The following PREX1 variants were observed in gnomAD, a reference collection of about 807,000 sequenced individuals.
The protein encoded by PREX1 is phosphatidylinositol-3,4,5-trisphosphate dependent Rac exchange factor 1, also known as phosphatidylinositol 3,4,5-trisphosphate-dependent Rac exchanger 1 protein.
PREX1 carries 41 observed loss-of-function variants against 198.3 expected under a neutral mutation model. That is an observed-to-expected ratio of 0.21 (90% CI 0.16 to 0.27). The LOEUF is 0.27. Ranked by LOEUF, PREX1 falls within the 10% of genes least tolerant of loss-of-function variation. The pLI, the probability that PREX1 is intolerant of heterozygous loss-of-function variation, is 1.00. For missense variants in PREX1, 1,620 were observed against 2,200.7 expected (o/e 0.74, Z 5.28); for synonymous variants, 843 against 887.2 (o/e 0.95, Z 0.89).
At position 48,672,916 on chromosome 20, in the gene PREX1, T is replaced by A. The variant is rs948994702; in HGVS notation, c.1665+3277A>T. Among the ~76,000 whole-genome samples, 3 of 152,140 alleles carry A rather than the reference T, an allele frequency of 2.0e-5. No individual in the cohort carries two copies. In the South Asian group the frequency reaches 6.2e-4, roughly 31 times the overall value. ...TCTTATTTATTAAGTGTCTCTCCTA[T>A]CCTCACCAGAACGTAATATCTGGGA... On this transcript the variant is annotated intron_variant, in intron 14 of 39. Coordinates refer to ENST00000371941, the MANE Select transcript of PREX1 (RefSeq NM_020820.4).
intron 27 of PREX1, among the ~76,000 whole-genome samples, chr20:48,644,161 G>A (rs149993996): frequency 7.1e-4 from 108 of 152,290 alleles, no homozygotes; most frequent in African/African-American, 2.3e-3. Context: ...TGACATTCAC[G>A]GAGAACATCA....
At position 48,651,563 on chromosome 20, in the gene PREX1, C is replaced by T. The variant is rs748112228; in HGVS notation, c.2488G>A (p.Gly830Ser). The change falls in exon 22 of 40, where the codon GGT (glycine) becomes AGT (serine). Residue 830 changes from glycine (G) to serine (S), a missense_variant. By Grantham distance (56) the Gly-to-Ser change is moderately conservative (BLOSUM62 0). Transcript: ENST00000371941. ...ADSAFPLLSL[G>S]PRLSLCEDSP... ...TCCTCACACAGGCTCAGCCGGGGAC[C>T]CAGGGACAGCAGTGGGAAGGCTGGA... 33 of 1,613,642 alleles carry T rather than the reference C, an allele frequency of 2.0e-5. No individual in the cohort carries two copies. The highest frequency in any genetic ancestry group is 2.7e-5 in the Non-Finnish European group (32 of 1,179,850).
intron 15 of PREX1, among the ~76,000 whole-genome samples, chr20:48,665,263 CCCAGACGGCCTGAATTCTAATCCCGGCT>C (rs2089629870): frequency 5.7e-5 from 8 of 141,054 alleles, no homozygotes; most frequent in South Asian, 2.3e-4. Context: ...CTAATCCCGC[CCCAGACGGCCTGAATTCTAATCCCGGCT>C]CCAGACGGCC....
the PREX1 span, among the ~76,000 whole-genome samples, chr20:48,874,625 C>G: frequency 2.6e-5 from 4 of 152,066 alleles, no homozygotes; most frequent in African/African-American, 9.7e-5. Context: ...ACCTGTAATC[C>G]CAGCACTTTG....
chr20:48,744,076 C>A (rs371868986), intron 3 of PREX1, among the ~76,000 whole-genome samples: 1 of 152,150 alleles, frequency 6.6e-6, no homozygotes, highest in African/African-American at 2.4e-5. Context: ...AGTTTCTCCA[C>A]CTTGGCACCA....
chr20:48,723,307 C>T (rs956201620), intron 5 of PREX1, among the ~76,000 whole-genome samples: 4 of 152,208 alleles, frequency 2.6e-5, no homozygotes, highest in Non-Finnish European at 5.9e-5. Flanking sequence ...GGGGGTTGAG[C>T]TCAGCTGCTT....
At chr20:48,868,873 T>C in the PREX1 span, among the ~76,000 whole-genome samples, 9 of 147,562 alleles carry the variant, frequency 6.1e-5, no homozygotes, top group Admixed American at 4.0e-4. Flanking sequence ...CTAAAGAATC[T>C]TTTTTTTTCT....
chr20:48,636,361 C>A (rs1366072892), intron 32 of PREX1, 102 bp downstream of exon 32: 92 of 1,222,828 alleles, frequency 7.5e-5, no homozygotes, highest in Non-Finnish European at 1.0e-4. Context: ...AATGACGAGG[C>A]CAGGGGGAGC....
intron 3 of PREX1, among the ~76,000 whole-genome samples, chr20:48,743,041 G>A (rs1025236560): frequency 5.3e-5 from 8 of 152,244 alleles, no homozygotes; most frequent in African/African-American, 1.2e-4. Context: ...GAAGCAGGCC[G>A]GAGTAACACT....
At chr20:48,872,158 C>CAAAAA in the PREX1 span, among the ~76,000 whole-genome samples, 11 of 97,020 alleles carry the variant, frequency 1.1e-4, no homozygotes, top group Non-Finnish European at 1.9e-4. Flanking sequence ...GACTCTGTCT[C>CAAAAA]AAAAAAAAAA....
chr20:48,887,894 G>T, the PREX1 span, among the ~76,000 whole-genome samples: 7 of 151,772 alleles, frequency 4.6e-5, no homozygotes, highest in African/African-American at 1.7e-4. Context: ...AGCTTGCAGT[G>T]AGCCGAGATC....
Position 48,785,963 on chromosome 20 carries a change from G to A in PREX1, c.220-38083C>T, listed in dbSNP as rs73120692. Among the ~76,000 whole-genome samples, 921 of 152,334 alleles carry A rather than the reference G, an allele frequency of 6.0e-3. 3 individuals carry two copies. The highest frequency in any genetic ancestry group is 8.1e-3 in the Non-Finnish European group (550 of 68,028). ...GGGCAGAAAGAGCCGGGATGGATGG[G>A]CCGGTGCCTTCCAGCAGGGGGTTCA... On this transcript the variant is annotated intron_variant, in intron 1 of 39. Coordinates refer to ENST00000371941, the MANE Select transcript of PREX1 (RefSeq NM_020820.4).
In PREX1 at chr20:48,681,230, C is replaced by T; in HGVS notation, c.1435+5G>A. The T allele has an allele frequency of 1.2e-6, 2 of 1,613,634 alleles. No homozygotes were observed. Among genetic ancestry groups the T allele is most frequent in the Non-Finnish European group, 1.7e-6 (2 of 1,179,744 alleles). ...TGGCCCAGCTGGGCCCAGCCCTCCA[C>T]TCACCATGGTGGATGATGCCATTCT... On this transcript the variant is annotated splice_donor_5th_base_variant and intron_variant, in intron 11 of 39. Transcript: ENST00000371941.
At chr20:48,821,432 C>A (rs79670457) in intron 1 of PREX1, among the ~76,000 whole-genome samples, 1 of 152,156 alleles carries the variant, frequency 6.6e-6, no homozygotes, top group Non-Finnish European at 1.5e-5. Flanking sequence ...ATCTCCGAAA[C>A]GCAGGGCAGG....
chr20:48,748,416 T>C (rs1264891043), intron 1 of PREX1, among the ~76,000 whole-genome samples: 2 of 152,092 alleles, frequency 1.3e-5, no homozygotes, highest in South Asian at 2.1e-4. Context: ...GCTACTAGTT[T>C]CTTGGGTATT....
At chr20:48,832,443 T>C (rs2090539213), upstream of PREX1, among the ~76,000 whole-genome samples, 1 of 152,176 alleles carries the variant, frequency 6.6e-6, no homozygotes, top group Non-Finnish European at 1.5e-5. Flanking sequence ...CCATCCCAAG[T>C]TGAATGAGCC....
chr20:48,659,092 G>T (rs912978985), intron 16 of PREX1, among the ~76,000 whole-genome samples: 3 of 150,606 alleles, frequency 2.0e-5, no homozygotes, highest in African/African-American at 7.3e-5. Context: ...AGCTGGGTGT[G>T]GTGGCGCAGG....
chr20:48,648,942 TTCTATGATG>T (rs1322830554), intron 25 of PREX1, among the ~76,000 whole-genome samples: 1 of 152,146 alleles, frequency 6.6e-6, no homozygotes, highest in Middle Eastern at 3.2e-3. Context: ...GCTGCCTCCT[TTCTATGATG>T]TTAAAATTAT....
chr20:48,823,613 G>A (rs1600537560), intron 1 of PREX1, among the ~76,000 whole-genome samples: 1 of 152,178 alleles, frequency 6.6e-6, no homozygotes, highest in African/African-American at 2.4e-5. Flanking sequence ...CAAGAACTCG[G>A]CAGCCTGCCA....
Sources: allele counts gnomAD v4.1 joint callset (sites outside exome capture counted in the v4.1 genomes callset), GRCh38; gene constraint gnomAD v4.1.1; transcripts MANE v1.5; gene names NCBI Gene and HGNC (gene_info 2026-07-23, HGNC 2026-07-21).